The following SLCO1A2 variants were observed in gnomAD, a reference collection of about 807,000 sequenced individuals.
SLCO1A2 encodes OATP-1.
SLCO1A2 carries 67 observed loss-of-function variants against 69.0 expected under a neutral mutation model. That is an observed-to-expected ratio of 0.97 (90% CI 0.80 to 1.19). The LOEUF (loss-of-function observed/expected upper bound fraction) is 1.19, where lower values mean the gene tolerates loss of function less well. Among genes scored for constraint, SLCO1A2 ranks in the 50% most tolerant of loss-of-function variants. The probability of loss-of-function intolerance (pLI) is 0.00; values close to 1 mark genes in which losing one functional copy is unlikely to be tolerated. For synonymous variants in SLCO1A2, 260 were observed against 265.9 expected, an observed-to-expected ratio of 0.98 and a Z score of 0.22; for missense variants, 787 against 793.7, an observed-to-expected ratio of 0.99 and a Z score of 0.10.
At chr12:21,403,059 A>G (rs1354564295) in intron 1 of SLCO1A2, among the ~76,000 whole-genome samples, 1 of 152,150 alleles carries the variant, frequency 6.6e-6, no homozygotes, top group Non-Finnish European at 1.5e-5. Flanking sequence ...TGGTTGTGGA[A>G]GAACTGGATA....
rs1437640948 is a variant in SLCO1A2 at position 21,275,449 on chromosome 12, TAAAAG to T, written c.1611-30_1611-26del. Reference sequence around the variant, plus strand: ...CCTGAAAAGTAAATAAGTTTGTAAATAAAAGAAAAATAAAGATTTAAAACTATCAT... The same window carrying T: ...CCTGAAAAGTAAATAAGTTTGTAAATAAAAATAAAGATTTAAAACTATCAT... On this transcript the variant is annotated intron_variant, in intron 12 of 14. Coordinates refer to ENST00000683939, the MANE Select transcript of SLCO1A2 (RefSeq NM_001386879.1). 3.5e-6 allele frequency: 5 copies of T among 1,423,406 alleles called. No homozygotes were observed. In the African/African-American group the frequency reaches 5.8e-5, roughly 17 times the overall value. The allele number at this position is 1,423,406 out of a possible 1,614,324, so 88.2% of individuals were successfully genotyped here.
At chr12:21,352,781 T>C (rs1249634649) in intron 2 of SLCO1A2, among the ~76,000 whole-genome samples, 4 of 152,352 alleles carry the variant, frequency 2.6e-5, no homozygotes, top group South Asian at 2.1e-4. Flanking sequence ...TTGCTTTACA[T>C]GTTTGTTTAG....
chr12:21,413,237 C>CTTTTTCTTTTTTTT (rs772542069), intron 1 of SLCO1A2, among the ~76,000 whole-genome samples: 2 of 99,470 alleles, frequency 2.0e-5, no homozygotes, highest in African/African-American at 8.0e-5. Context: ...TTTTCTTTTT[C>CTTTTTCTTTTTTTT]TTTTTTTTTT....
rs746773690 is a variant in SLCO1A2 at position 21,373,335 on chromosome 12, A to C, written c.-63+1064T>G. On this transcript the variant is annotated intron_variant, in intron 2 of 15. Coordinates refer to the SLCO1A2 transcript ENST00000307378. ...ATTTCAGTGCTGGATTATTCTTTGC[A>C]GAAAATTTGAGAAGCAATGGGCATC... The C allele has an allele frequency of 6.2e-5, 98 of 1,578,620 alleles. No individual in the cohort carries two copies. The Admixed American group carries it at 1.6e-3, about 26-fold the overall frequency.
At chr12:21,413,668 G>A (rs1308542161) in intron 1 of SLCO1A2, among the ~76,000 whole-genome samples, 1 of 152,098 alleles carries the variant, frequency 6.6e-6, no homozygotes, top group East Asian at 1.9e-4. Flanking sequence ...AGACATCAAA[G>A]CTAGAAATGA....
At chr12:21,341,957 A>T (rs1871288) in intron 2 of SLCO1A2, among the ~76,000 whole-genome samples, 145,822 of 152,054 alleles carry the variant, frequency 0.96, 70,120 homozygotes, top group East Asian at 1. Flanking sequence ...TGGGATGAGG[A>T]TTAATCGATG....
intron 2 of SLCO1A2, among the ~76,000 whole-genome samples, chr12:21,371,899 G>C (rs1337886559): frequency 6.6e-6 from 1 of 152,018 alleles, no homozygotes; most frequent in Non-Finnish European, 1.5e-5. Context: ...CTACTCTGTA[G>C]GCTGAGGCAG....
rs190519902 is a variant in SLCO1A2 at position 21,344,213 on chromosome 12, G to A, written c.-62-9504C>T. 4.6e-5 allele frequency among the ~76,000 whole-genome samples: 7 copies of A among 152,042 alleles called. No homozygotes were observed. In the East Asian group the frequency reaches 9.7e-4, roughly 21 times the overall value. ...TAAAAAACTATATTTCCTGCCTTTC[G>A]GGAACTTCTACAATGACAGAATCAT... On this transcript the variant is annotated intron_variant, in intron 2 of 15. Coordinates refer to the SLCO1A2 transcript ENST00000307378.
chr12:21,300,540 G>C lies in SLCO1A2; in HGVS notation c.718C>G (p.Arg240Gly). The C allele has an allele frequency of 6.2e-7, 1 of 1,612,394 alleles. No homozygotes were observed. ...CCAAACCACCATGCACCGACCCAAC[G>C]AGTGTCAGTGGGAGTTATGATCAGA... ...DDLIITPTDT[R>G]WVGAWWFGFL... The change falls in exon 8 of 15, where the codon CGT becomes GGT. Residue 240 changes from arginine (R) to glycine (G), a missense_variant. Coordinates refer to ENST00000683939, the MANE Select transcript of SLCO1A2 (RefSeq NM_001386879.1).
chr12:21,275,867 G>A (rs1943726471), intron 12 of SLCO1A2, among the ~76,000 whole-genome samples: 1 of 152,018 alleles, frequency 6.6e-6, no homozygotes, highest in Non-Finnish European at 1.5e-5. Flanking sequence ...ACTTGAACCT[G>A]GGAGGCAGAG....
At position 21,276,554 on chromosome 12, in the gene SLCO1A2, A is replaced by C. The variant is rs925480496; in HGVS notation, c.1611-1130T>G. 6.2e-5 allele frequency among the ~76,000 whole-genome samples: 9 copies of C among 144,158 alleles called. 1 individual carries two copies. Among genetic ancestry groups the C allele is most frequent in the South Asian group, 2.1e-4 (1 of 4,684 alleles). 94.6% of individuals were successfully genotyped at this position (144,158 alleles called of 152,430 possible). ...AACAACTATCTACATACAAAAAAAA[A>C]CCAAAAAAAACCTTTGTAAGAATGA... On this transcript the variant is annotated intron_variant, in intron 12 of 14. Transcript: ENST00000683939.
At chr12:21,412,264 C>T (rs1338796145) in intron 1 of SLCO1A2, among the ~76,000 whole-genome samples, 1 of 151,860 alleles carries the variant, frequency 6.6e-6, no homozygotes, top group African/African-American at 2.4e-5. Context: ...GCCTGTAGTC[C>T]CTGCTACTTG....
At chr12:21,406,391 G>A (rs1416703683) in intron 1 of SLCO1A2, among the ~76,000 whole-genome samples, 1 of 152,202 alleles carries the variant, frequency 6.6e-6, no homozygotes, top group Non-Finnish European at 1.5e-5. Flanking sequence ...AAGCTCTATG[G>A]ACAAAACCTG....
At chr12:21,361,657 C>T (rs1369053744) in intron 2 of SLCO1A2, among the ~76,000 whole-genome samples, 2 of 152,012 alleles carry the variant, frequency 1.3e-5, no homozygotes, top group Non-Finnish European at 2.9e-5. Context: ...AAAGAGTAGA[C>T]GAATGGCAGT....
intron 2 of SLCO1A2, chr12:21,319,634 C>T (rs547056331): frequency 2.5e-6 from 1 of 404,614 alleles, no homozygotes; most frequent in African/African-American, 2.1e-5. Flanking sequence ...TTTTGGGAAG[C>T]TTTCCTGAAC....
At chr12:21,330,627 G>A (rs1952557643) in intron 2 of SLCO1A2, among the ~76,000 whole-genome samples, 1 of 152,092 alleles carries the variant, frequency 6.6e-6, no homozygotes, top group African/African-American at 2.4e-5. Context: ...CAGGTTCTGA[G>A]ATATCAATCT....
At chr12:21,328,310 C>T (rs1187771596) in intron 2 of SLCO1A2, among the ~76,000 whole-genome samples, 2 of 152,110 alleles carry the variant, frequency 1.3e-5, no homozygotes, top group Non-Finnish European at 2.9e-5. Flanking sequence ...GGGGAAAGGA[C>T]TCAGTCTTTT....
At chr12:21,402,389 CAA>C (rs1419546514) in intron 1 of SLCO1A2, among the ~76,000 whole-genome samples, 1 of 151,900 alleles carries the variant, frequency 6.6e-6, no homozygotes. Flanking sequence ...TGCAAATAGA[CAA>C]AAATTATTAT....
chr12:21,338,608 C>A (rs1952965860), upstream of SLCO1A2, among the ~76,000 whole-genome samples: 1 of 151,932 alleles, frequency 6.6e-6, no homozygotes, highest in African/African-American at 2.4e-5. Flanking sequence ...TTAATGAAAT[C>A]TTTTACCACT....
Sources: allele counts gnomAD v4.1 joint callset (sites outside exome capture counted in the v4.1 genomes callset), GRCh38; gene constraint gnomAD v4.1.1; transcripts MANE v1.5; gene names NCBI Gene and HGNC (gene_info 2026-07-23, HGNC 2026-07-21).